Variants in ARHGEF10L observed in about 807,000 individuals in gnomAD.
ARHGEF10L encodes the protein Rho guanine nucleotide exchange factor 10 like.
In ARHGEF10L, 69 loss-of-function variants were observed where a neutral mutation model predicts 141.2. That is an observed-to-expected ratio of 0.49 (90% CI 0.40 to 0.60). The LOEUF (loss-of-function observed/expected upper bound fraction) is 0.60. ARHGEF10L is among the 20% of genes least tolerant of loss of function. The probability of loss-of-function intolerance (pLI) is 0.00; values close to 1 mark genes in which losing one functional copy is unlikely to be tolerated. For missense variants in ARHGEF10L, 1,482 were observed against 1,734.3 expected, an observed-to-expected ratio of 0.85 and a Z score of 2.58; for synonymous variants, 711 against 718.5, an observed-to-expected ratio of 0.99 and a Z score of 0.17.
At chr1:17,620,666 G>A (rs1219406439) in intron 10 of ARHGEF10L, among the ~76,000 whole-genome samples, 5 of 152,132 alleles carry the variant, frequency 3.3e-5, no homozygotes, top group Non-Finnish European at 7.4e-5. Context: ...AGGGAGTAGG[G>A]CAGGGAGCCG....
intron 21 of ARHGEF10L, among the ~76,000 whole-genome samples, chr1:17,647,238 C>T (rs2061658974): frequency 6.6e-6 from 1 of 152,182 alleles, no homozygotes; most frequent in South Asian, 2.1e-4. Flanking sequence ...GGTGCTGCCC[C>T]CTAGCCATGG....
chr1:17,688,565 G>A (rs1369591391), intron 27 of ARHGEF10L, among the ~76,000 whole-genome samples: 1 of 152,210 alleles, frequency 6.6e-6, no homozygotes, highest in East Asian at 1.9e-4. Flanking sequence ...TTGTCCCAGT[G>A]CCCCAGGCAG....
chr1:17,644,296 G>A lies in ARHGEF10L; in HGVS notation c.2272+3994G>A, dbSNP rs1224267921. On this transcript the variant is annotated intron_variant, in intron 21 of 28. Transcript: ENST00000361221. This position sits in a 1 kb window ranked among gnomAD's most constrained non-coding sequence, Gnocchi z 4.5. The stretch of plus-strand genomic sequence containing the variant: ...GGGATGACTCCAGCTGTTGGGTCCT[G>A]AGCACAGCCCTGGCAGAGTGTGAAG... 6.6e-6 allele frequency among the ~76,000 whole-genome samples: 1 copy of A among 152,220 alleles called. No homozygotes were observed. Among genetic ancestry groups the A allele is most frequent in the African/African-American group, 2.4e-5 (1 of 41,462 alleles).
chr1:17,583,715 C>A (rs993939810), intron 2 of ARHGEF10L, among the ~76,000 whole-genome samples: 1 of 152,166 alleles, frequency 6.6e-6, no homozygotes, highest in Non-Finnish European at 1.5e-5. Context: ...CACCCCCACT[C>A]CCTGCCCAGC....
intron 1 of ARHGEF10L, among the ~76,000 whole-genome samples, chr1:17,568,782 G>A (rs1206002122): frequency 6.6e-6 from 1 of 152,150 alleles, no homozygotes; most frequent in Non-Finnish European, 1.5e-5. Context: ...GAGGACGGGT[G>A]TTTGGGAACA....
intron 27 of ARHGEF10L, among the ~76,000 whole-genome samples, chr1:17,688,708 A>T (rs1385532371): frequency 1.3e-5 from 2 of 152,174 alleles, no homozygotes; most frequent in Non-Finnish European, 2.9e-5. Flanking sequence ...GGGAGTGGCC[A>T]TATGCCCAGC....
chr1:17,530,988 C>T, the ARHGEF10L span, among the ~76,000 whole-genome samples: 4 of 150,672 alleles, frequency 2.7e-5, no homozygotes, highest in African/African-American at 2.4e-5. Context: ...CTGGGTGACA[C>T]AGCAAGACTC....
At chr1:17,664,276 A>G (rs2062828337) in intron 25 of ARHGEF10L, among the ~76,000 whole-genome samples, 171 bp from the exon 26 acceptor site, 1 of 152,128 alleles carries the variant, frequency 6.6e-6, no homozygotes. Flanking sequence ...GAATGGTGGG[A>G]GTCGGAGGCA....
At chr1:17,563,479 C>G (rs2077626940) in intron 1 of ARHGEF10L, among the ~76,000 whole-genome samples, 2 of 152,150 alleles carry the variant, frequency 1.3e-5, no homozygotes, top group South Asian at 4.1e-4. Flanking sequence ...AAGGAATCTG[C>G]CTGTCTCGGC....
chr1:17,567,560 G>A (rs910527463), intron 1 of ARHGEF10L, among the ~76,000 whole-genome samples: 1 of 152,166 alleles, frequency 6.6e-6, no homozygotes, highest in Non-Finnish European at 1.5e-5. Flanking sequence ...TAGAGACAGG[G>A]TTTTACCATG....
At chr1:17,537,114 A>G (rs181536602), upstream of ARHGEF10L, among the ~76,000 whole-genome samples, 2 of 151,968 alleles carry the variant, frequency 1.3e-5, no homozygotes, top group East Asian at 3.9e-4. Flanking sequence ...GGCTGGTCTA[A>G]AATGCCTGGC....
Position 17,664,472 on chromosome 1 carries a change from C to A in ARHGEF10L, c.2886C>A (p.Ser962Arg). 6.2e-7 allele frequency: 1 copy of A among 1,605,714 alleles called. No individual in the cohort carries two copies. Among genetic ancestry groups the A allele is most frequent in the Non-Finnish European group, 8.5e-7 (1 of 1,179,816 alleles). The part of the protein sequence containing the change: ...TSGGVLWDLE[S>R]PPVCLTVGPG... Reference sequence around the variant, plus strand: ...GAGGTGTCCTGTGGGACCTGGAGAGCCCTCCCGTGTGCCTGACTGTGGGGC... The same window carrying A: ...GAGGTGTCCTGTGGGACCTGGAGAGACCTCCCGTGTGCCTGACTGTGGGGC... The change falls in exon 26 of 29, where the codon AGC becomes AGA. Residue 962 changes from serine to arginine, a missense_variant. Transcript: ENST00000361221.
intron 18 of ARHGEF10L, among the ~76,000 whole-genome samples, chr1:17,636,113 C>G (rs2060984811): frequency 6.6e-6 from 1 of 152,164 alleles, no homozygotes; most frequent in Non-Finnish European, 1.5e-5. Flanking sequence ...CTCAACTGCA[C>G]TCCCTCCCCG....
At chr1:17,585,206 C>G (rs927900031) in intron 2 of ARHGEF10L, among the ~76,000 whole-genome samples, 5 of 152,156 alleles carry the variant, frequency 3.3e-5, no homozygotes, top group Admixed American at 3.3e-4. Flanking sequence ...GATCCAGCTC[C>G]CACCCAAGCC....
intron 7 of ARHGEF10L, among the ~76,000 whole-genome samples, chr1:17,611,762 G>A (rs1445851030): frequency 6.6e-6 from 1 of 152,190 alleles, no homozygotes; most frequent in Admixed American, 6.5e-5. Flanking sequence ...CTCAGGTAAA[G>A]AGACTTCTCT....
chr1:17,622,954 GCTGCGGCCTGGC>G (rs752210151), intron 11 of ARHGEF10L, 30 bp from the exon 12 acceptor site: 30 of 1,580,206 alleles, frequency 1.9e-5, no homozygotes, highest in South Asian at 5.8e-5. Flanking sequence ...AGGGAGAGAG[GCTGCGGCCTGGC>G]CTGCGGCCTC....
chr1:17,595,708 T>G (rs1299024425), intron 4 of ARHGEF10L, among the ~76,000 whole-genome samples: 1 of 151,798 alleles, frequency 6.6e-6, no homozygotes, highest in African/African-American at 2.4e-5. Flanking sequence ...GAGGCCCCCG[T>G]GCCTGGAGGA....
chr1:17,681,989 T>TA (rs66630305), intron 26 of ARHGEF10L, among the ~76,000 whole-genome samples: 31,601 of 148,356 alleles, frequency 0.21, 3,693 homozygotes, highest in African/African-American at 0.32. Context: ...TTCCTAGATT[T>TA]AAAAAAAAAA....
At chr1:17,671,711 C>G (rs1054758556) in intron 26 of ARHGEF10L, among the ~76,000 whole-genome samples, 1 of 152,204 alleles carries the variant, frequency 6.6e-6, no homozygotes, top group African/African-American at 2.4e-5. Context: ...CTTGGAGAAG[C>G]CTGTCTGGAC....
Sources: gnomAD v4.1 joint callset for allele counts (sites outside exome capture counted in the v4.1 genomes callset) on GRCh38, gnomAD v4.1.1 for gene constraint, Gnocchi (gnomAD v3.1) non-coding constraint, MANE v1.5 for transcripts, NCBI Gene and HGNC (gene_info 2026-07-23, HGNC 2026-07-21) for gene names.